The following LRMDA variants were observed in gnomAD, a reference collection of about 807,000 sequenced individuals.
The protein encoded by LRMDA is leucine rich melanocyte differentiation associated, also known as leucine-rich melanocyte differentiation-associated protein.
A neutral mutation model predicts 29.8 loss-of-function variants in LRMDA; 18 were observed. The ratio of observed to expected loss-of-function variants is 0.60; its 90% CI spans 0.42 to 0.90. LRMDA has a LOEUF of 0.90. LRMDA is among the 40% of genes least tolerant of loss of function. The pLI, the probability that LRMDA is intolerant of heterozygous loss-of-function variation, is 0.00. For missense variants in LRMDA, 273 were observed against 273.9 expected (o/e 1.00, Z 0.02); for synonymous variants, 125 against 109.4 (o/e 1.14, Z -0.89).
chr10:76,157,820 C>A (rs989400223), intron 5 of LRMDA, among the ~76,000 whole-genome samples: 1 of 152,064 alleles, frequency 6.6e-6, no homozygotes, highest in Admixed American at 6.6e-5. Flanking sequence ...GTGTGAACAT[C>A]ATAGTATATG....
At chr10:75,487,574 T>C (rs1234585539) in intron 2 of LRMDA, among the ~76,000 whole-genome samples, 1 of 152,180 alleles carries the variant, frequency 6.6e-6, no homozygotes, top group Non-Finnish European at 1.5e-5. Context: ...ACAATCTTGG[T>C]CACAGTTTCT....
chr10:75,758,325 G>A (rs551214960), intron 2 of LRMDA, among the ~76,000 whole-genome samples: 3 of 152,308 alleles, frequency 2.0e-5, no homozygotes, highest in East Asian at 3.9e-4. Context: ...AAGTTCTCAC[G>A]TCCAGTCTCC....
intron 2 of LRMDA, among the ~76,000 whole-genome samples, chr10:75,617,589 C>CGA (rs1841120571): frequency 6.6e-6 from 1 of 152,172 alleles, no homozygotes; most frequent in Admixed American, 6.5e-5. Flanking sequence ...GCACTCACTG[C>CGA]TCCCCTCTGT....
intron 2 of LRMDA, among the ~76,000 whole-genome samples, chr10:75,444,550 C>T (rs185648789): frequency 4.8e-4 from 73 of 152,188 alleles, no homozygotes; most frequent in African/African-American, 1.8e-3. Flanking sequence ...TTGCCATCCA[C>T]CTTGGAATGA....
At chr10:76,057,849 A>C (rs1343319735) in intron 4 of LRMDA, among the ~76,000 whole-genome samples, 1 of 152,256 alleles carries the variant, frequency 6.6e-6, no homozygotes, top group African/African-American at 2.4e-5. Flanking sequence ...AAGTATAGAC[A>C]CATGTCCATA....
At chr10:75,607,987 G>A (rs1471439821) in intron 2 of LRMDA, among the ~76,000 whole-genome samples, 2 of 150,564 alleles carry the variant, frequency 1.3e-5, no homozygotes, top group Non-Finnish European at 3.0e-5. Context: ...CATGAGCATG[G>A]GAGTGCAGAT....
chr10:75,743,376 C>T (rs1012424024), intron 2 of LRMDA: 3 of 152,282 alleles, frequency 2.0e-5, no homozygotes, highest in African/African-American at 7.2e-5. Context: ...ACGCTCTGCC[C>T]GTGGAGCTGC....
intron 5 of LRMDA, among the ~76,000 whole-genome samples, chr10:76,108,519 C>G (rs1589330214): frequency 6.6e-6 from 1 of 152,076 alleles, no homozygotes; most frequent in South Asian, 2.1e-4. Flanking sequence ...GATAAACACC[C>G]CTACACACAT....
rs530370534 is a variant in LRMDA, at chr10:76,397,768, G to GGA, written c.601+73289_601+73290dup. Among the ~76,000 whole-genome samples the GGA allele has an allele frequency of 1.5e-4, 23 of 152,322 alleles. No homozygotes were observed. The East Asian group carries it at 4.2e-3, about 28-fold the overall frequency. ...TTCCCCTGCAGGATGTCGGAGAACC[G>GGA]GAGAGAGGGGACTGCTGTAGTTCAC... is the stretch of plus-strand genomic sequence containing the variant. On this transcript the variant is annotated intron_variant, in intron 6 of 6. Transcript: ENST00000611255.
chr10:75,780,079 G>T (rs1302037961), intron 2 of LRMDA, among the ~76,000 whole-genome samples: 1 of 152,148 alleles, frequency 6.6e-6, no homozygotes, highest in Non-Finnish European at 1.5e-5. Flanking sequence ...GGTTAAGCCG[G>T]AGCCACCAGG....
At chr10:75,558,437 A>G (rs1038493982) in intron 2 of LRMDA, among the ~76,000 whole-genome samples, 2 of 152,162 alleles carry the variant, frequency 1.3e-5, no homozygotes, top group African/African-American at 4.8e-5. Context: ...GTCTACATTC[A>G]GTCATTGATT....
chr10:76,317,259 A>G (rs1402507941), intron 5 of LRMDA, among the ~76,000 whole-genome samples: 1 of 152,198 alleles, frequency 6.6e-6, no homozygotes, highest in Non-Finnish European at 1.5e-5. Context: ...GGAATATAGG[A>G]CATATCTCAT....
At chr10:75,444,526 T>C (rs1203331507) in intron 2 of LRMDA, among the ~76,000 whole-genome samples, 1 of 152,196 alleles carries the variant, frequency 6.6e-6, no homozygotes, top group Non-Finnish European at 1.5e-5. Context: ...GACTCAATTC[T>C]CAGGGTCAGG....
At chr10:75,610,874 G>A (rs180859178) in intron 2 of LRMDA, among the ~76,000 whole-genome samples, 1 of 152,086 alleles carries the variant, frequency 6.6e-6, no homozygotes, top group Admixed American at 6.5e-5. Flanking sequence ...AAATTTTACC[G>A]CAAATTCCAA....
chr10:75,451,936 G>A (rs1589148187), intron 2 of LRMDA, among the ~76,000 whole-genome samples: 3 of 151,830 alleles, frequency 2.0e-5, no homozygotes, highest in East Asian at 1.9e-4. Context: ...AGTCTCCATC[G>A]GTGAGGTGGT....
At chr10:75,772,869 T>TGGGGGGGG (rs1554824987) in intron 2 of LRMDA, among the ~76,000 whole-genome samples, 7 of 49,774 alleles carry the variant, frequency 1.4e-4, no homozygotes, top group Non-Finnish European at 2.6e-4. Flanking sequence ...GGGGGTGGGA[T>TGGGGGGGG]GGGGGGGGGC....
chr10:76,423,709 T>C (rs892412529), intron 6 of LRMDA, among the ~76,000 whole-genome samples: 1 of 152,234 alleles, frequency 6.6e-6, no homozygotes, highest in African/African-American at 2.4e-5. Context: ...TCTAGTCCCC[T>C]TTTGACTTCG....
At chr10:76,312,690 T>C (rs1840644100) in intron 5 of LRMDA, among the ~76,000 whole-genome samples, 1 of 152,026 alleles carries the variant, frequency 6.6e-6, no homozygotes, top group Non-Finnish European at 1.5e-5. Flanking sequence ...AGCATCACAA[T>C]AATGCAGTGA....
intron 2 of LRMDA, among the ~76,000 whole-genome samples, chr10:75,833,190 TTTTAATC>T (rs1287917764): frequency 6.6e-6 from 1 of 152,202 alleles, no homozygotes; most frequent in Admixed American, 6.5e-5. Context: ...TGCATCCTAA[TTTTAATC>T]AGAAAACAGT....
Sources: gnomAD v4.1 joint callset for allele counts (sites outside exome capture counted in the v4.1 genomes callset) on GRCh38, gnomAD v4.1.1 for gene constraint, MANE v1.5 for transcripts, NCBI Gene and HGNC (gene_info 2026-07-23, HGNC 2026-07-21) for gene names.